The following SGCZ variants were observed in gnomAD, a reference collection of about 807,000 sequenced individuals.
SGCZ encodes the protein sarcoglycan zeta.
In SGCZ, 40 loss-of-function variants were observed where a neutral mutation model predicts 41.3. The observed-to-expected ratio is 0.97, with a 90% CI of 0.75 to 1.26. The LOEUF (loss-of-function observed/expected upper bound fraction) is 1.26. SGCZ is among the 50% of genes most tolerant of loss of function. The pLI is 0.00. For missense variants in SGCZ, 552 were observed against 369.8 expected, an observed-to-expected ratio of 1.49 and a Z score of -4.04; for synonymous variants, 206 against 137.5, an observed-to-expected ratio of 1.50 and a Z score of -3.49.
At chr8:15,044,768 G>A (rs1029478275) in intron 1 of SGCZ, among the ~76,000 whole-genome samples, 2 of 152,040 alleles carry the variant, frequency 1.3e-5, no homozygotes, top group African/African-American at 4.8e-5. Context: ...CTGGTGAGGG[G>A]TGGGTAGGGT....
At chr8:14,430,389 A>C (rs1469771962) in intron 2 of SGCZ, among the ~76,000 whole-genome samples, 1 of 152,202 alleles carries the variant, frequency 6.6e-6, no homozygotes, top group Non-Finnish European at 1.5e-5. Flanking sequence ...TAATGGTTTA[A>C]CATATACAAG....
In SGCZ at chr8:14,580,040, T is replaced by A. The variant is rs529568587; in HGVS notation, c.40-25114A>T. Among the ~76,000 whole-genome samples, 3 of 152,282 alleles carry A rather than the reference T, an allele frequency of 2.0e-5. No homozygotes were observed. The East Asian group carries it at 5.8e-4, about 29-fold the overall frequency. ...CACTGAAGGCCTGTTTGGCTGAAGG[T>A]TCATTCATGCATAGCCCATTTTACT... On this transcript the variant is annotated intron_variant, in intron 1 of 7. Transcript: ENST00000382080.
chr8:14,218,337 T>G (rs1306938562), intron 4 of SGCZ, among the ~76,000 whole-genome samples: 3 of 152,128 alleles, frequency 2.0e-5, no homozygotes, highest in Non-Finnish European at 4.4e-5. Flanking sequence ...TCCAAAAACA[T>G]AAATAAGAAA....
At chr8:14,496,020 A>G (rs1801977027) in intron 2 of SGCZ, among the ~76,000 whole-genome samples, 1 of 152,096 alleles carries the variant, frequency 6.6e-6, no homozygotes, top group Non-Finnish European at 1.5e-5. Context: ...AGAACACTGC[A>G]ATAGGGGCTG....
intron 1 of SGCZ, among the ~76,000 whole-genome samples, chr8:14,819,528 AC>A (rs1364253218): frequency 2.6e-5 from 4 of 152,160 alleles, no homozygotes; most frequent in African/African-American, 9.7e-5. Flanking sequence ...TTATCACAAA[AC>A]ACATGAAAGT....
intron 1 of SGCZ, among the ~76,000 whole-genome samples, chr8:15,123,930 A>G (rs1378030): frequency 0.44 from 66,252 of 151,874 alleles, 15,589 homozygotes; most frequent in African/African-American, 0.62. Flanking sequence ...GTAGTCTACA[A>G]AAGAGGGAAG....
chr8:15,219,319 T>C lies in SGCZ; in HGVS notation c.39+18266A>G, dbSNP rs1211115052. ...ATATAAGTATGTGATTTGTATAAAATGTAAACACAATCTTGACTGTGCTCA... is the reference window on the plus strand; with the variant it reads ...ATATAAGTATGTGATTTGTATAAAACGTAAACACAATCTTGACTGTGCTCA... On this transcript the variant is annotated intron_variant, in intron 1 of 7. Coordinates refer to ENST00000382080, the MANE Select transcript of SGCZ (RefSeq NM_139167.4). Among the ~76,000 whole-genome samples, 4 of 152,182 alleles carry C rather than the reference T, an allele frequency of 2.6e-5. No homozygotes were observed. In the East Asian group the frequency reaches 7.7e-4, roughly 29 times the overall value.
At chr8:14,891,540 A>G (rs1805019345) in intron 1 of SGCZ, among the ~76,000 whole-genome samples, 1 of 152,248 alleles carries the variant, frequency 6.6e-6, no homozygotes, top group South Asian at 2.1e-4. Flanking sequence ...AGTGGTATCT[A>G]GGCATATAAT....
chr8:14,465,943 G>GT (rs145204154), intron 2 of SGCZ, among the ~76,000 whole-genome samples: 6,293 of 151,972 alleles, frequency 0.041, 411 homozygotes, highest in African/African-American at 0.14. Context: ...AGACTAATAA[G>GT]TTTTTAATGT....
intron 4 of SGCZ, among the ~76,000 whole-genome samples, chr8:14,232,026 G>T (rs1441701549): frequency 6.6e-6 from 1 of 151,844 alleles, no homozygotes; most frequent in Non-Finnish European, 1.5e-5. Context: ...CAACATGGAT[G>T]CTATTATTAA....
chr8:14,405,732 A>G (rs1372668711), intron 2 of SGCZ, among the ~76,000 whole-genome samples: 2 of 152,208 alleles, frequency 1.3e-5, no homozygotes, highest in African/African-American at 4.8e-5. Context: ...ATTATATTGT[A>G]CTACACAGCT....
At chr8:14,152,155 G>T (rs1302919713) in intron 5 of SGCZ, among the ~76,000 whole-genome samples, 1 of 149,238 alleles carries the variant, frequency 6.7e-6, no homozygotes, top group Admixed American at 6.8e-5. Context: ...ATGAGAGTAG[G>T]ATAAAATATT....
At chr8:14,734,077 G>A (rs1415749778) in intron 1 of SGCZ, among the ~76,000 whole-genome samples, 4 of 152,100 alleles carry the variant, frequency 2.6e-5, no homozygotes, top group Admixed American at 6.6e-5. Context: ...ACACAATCAC[G>A]GAAACAGCAA....
At chr8:14,898,847 G>T (rs1361186220) in intron 1 of SGCZ, among the ~76,000 whole-genome samples, 1 of 152,192 alleles carries the variant, frequency 6.6e-6, no homozygotes, top group Non-Finnish European at 1.5e-5. Context: ...TATGCATTGT[G>T]TGAGGATATT....
Position 14,949,725 on chromosome 8 carries a change from T to A in SGCZ, c.39+287860A>T, listed in dbSNP as rs182074755. 3.3e-3 allele frequency among the ~76,000 whole-genome samples: 507 copies of A among 152,222 alleles called. 1 individual carries two copies. Among genetic ancestry groups the A allele is most frequent in the African/African-American group, 0.012 (483 of 41,568 alleles). ...TTTGGATTATCTCTACTCAATGTTT[T>A]AACAATATGTGCTACTCTACATTTA... On this transcript the variant is annotated intron_variant, in intron 1 of 7. Transcript: ENST00000382080.
chr8:14,810,287 TTG>T (rs1346773044), intron 1 of SGCZ, among the ~76,000 whole-genome samples: 3 of 152,060 alleles, frequency 2.0e-5, no homozygotes, highest in Non-Finnish European at 4.4e-5. Context: ...TTAAATCAAA[TTG>T]TGTTTGTTAG....
chr8:15,094,382 G>A (rs1806259135), intron 1 of SGCZ, among the ~76,000 whole-genome samples: 2 of 152,252 alleles, frequency 1.3e-5, no homozygotes, highest in African/African-American at 4.8e-5. Flanking sequence ...TGATCCACCT[G>A]CCTTGGCCTC....
chr8:14,281,665 T>C (rs1183945687), intron 3 of SGCZ, among the ~76,000 whole-genome samples: 1 of 152,050 alleles, frequency 6.6e-6, no homozygotes, highest in Non-Finnish European at 1.5e-5. Context: ...AATACAAATA[T>C]ACATCAAAAA....
chr8:14,153,902 G>GTC (rs140286697), intron 5 of SGCZ, among the ~76,000 whole-genome samples: 3 of 146,710 alleles, frequency 2.0e-5, no homozygotes, highest in African/African-American at 7.6e-5. Context: ...CAGTCTGTCT[G>GTC]TCTCTCTCTC....
Sources: gnomAD v4.1 joint callset for allele counts (sites outside exome capture counted in the v4.1 genomes callset) on GRCh38, gnomAD v4.1.1 for gene constraint, MANE v1.5 for transcripts, NCBI Gene and HGNC (gene_info 2026-07-23, HGNC 2026-07-21) for gene names.